STAG1: variants seen among roughly 807,000 people sequenced by gnomAD.
STAG1 encodes the protein STAG1 cohesin complex component, also known as cohesin subunit SA-1.
STAG1 carries 26 observed loss-of-function variants against 170.9 expected under a neutral mutation model. The observed-to-expected ratio is 0.15, with a 90% CI of 0.11 to 0.21. The LOEUF (loss-of-function observed/expected upper bound fraction) is 0.21. STAG1 is among the 10% of genes least tolerant of loss of function. The pLI, the probability that STAG1 is intolerant of heterozygous loss-of-function variation, is 1.00. For missense variants in STAG1, 964 were observed against 1,509.5 expected, an observed-to-expected ratio of 0.64 and a Z score of 5.99; for synonymous variants, 514 against 497.7, an observed-to-expected ratio of 1.03 and a Z score of -0.44.
chr3:136,470,200 C>A (rs534042091), intron 12 of STAG1, among the ~76,000 whole-genome samples: 2 of 152,262 alleles, frequency 1.3e-5, no homozygotes, highest in African/African-American at 4.8e-5. Flanking sequence ...GAACAGGCAA[C>A]CTACAGAATG....
rs112108783 is a variant in STAG1 at position 136,571,285 on chromosome 3, T to C, written c.298-2424A>G. On this transcript the variant is annotated intron_variant, in intron 4 of 33. Coordinates refer to ENST00000383202, the MANE Select transcript of STAG1 (RefSeq NM_005862.3). ...ACCTGCATCAGAAATATTAACACTT[T>C]GGTCTGAGCGTGGTGGCGCACACCT... Among the ~76,000 whole-genome samples the C allele has an allele frequency of 2.0e-5, 3 of 152,266 alleles. No individual in the cohort carries two copies. In the South Asian group the frequency reaches 6.2e-4, roughly 32 times the overall value.
chr3:136,750,649 ATTTAG>A lies in STAG1; in HGVS notation c.-84+1541_-84+1545del, dbSNP rs1326723775. Among the ~76,000 whole-genome samples, 3 of 152,362 alleles carry A rather than the reference ATTTAG, an allele frequency of 2.0e-5. No homozygotes were observed. The East Asian group carries it at 5.8e-4, about 29-fold the overall frequency. ...GACCACTGGTAGATCACTTGAATTAATTTAGTTTACTCGAAGTACGTTTTAAATAT... is the reference window on the plus strand; with the variant it reads ...GACCACTGGTAGATCACTTGAATTAATTTACTCGAAGTACGTTTTAAATAT... On this transcript the variant is annotated intron_variant, in intron 1 of 33. Coordinates refer to ENST00000383202, the MANE Select transcript of STAG1 (RefSeq NM_005862.3).
chr3:136,450,272 CTG>C (rs1447391899), intron 14 of STAG1, among the ~76,000 whole-genome samples: 1 of 152,154 alleles, frequency 6.6e-6, no homozygotes, highest in African/African-American at 2.4e-5. Context: ...ATCTTGGAGA[CTG>C]TTAGAAATGC....
intron 5 of STAG1, among the ~76,000 whole-genome samples, chr3:136,543,468 C>T (rs879363336): frequency 6.6e-6 from 1 of 152,098 alleles, no homozygotes; most frequent in African/African-American, 2.4e-5. Flanking sequence ...CTGGAAAACA[C>T]GCTCTTGTAT....
chr3:136,659,409 C>T (rs1370652523), intron 1 of STAG1, among the ~76,000 whole-genome samples: 2 of 152,178 alleles, frequency 1.3e-5, no homozygotes, highest in Non-Finnish European at 2.9e-5. Flanking sequence ...TCTTCTCAAG[C>T]ATATTAGACT....
chr3:136,433,716 TA>T (rs1450740209), intron 15 of STAG1, 57 bp from the exon 16 acceptor site: 1 of 1,186,994 alleles, frequency 8.4e-7, no homozygotes. Flanking sequence ...AACCATGTAT[TA>T]AAAATGAACA....
In STAG1 at chr3:136,398,791, A is replaced by C; in HGVS notation, c.2235T>G (p.Ile745Met). ...VQALQCSHYSILWQLVKITDG... is the reference protein window; with the variant it reads ...VQALQCSHYSMLWQLVKITDG... ...CAGTAATTTTCACCAACTGCCAAAGAATCGAATAATGGGAACACTGCAGTG... is the reference window on the plus strand; with the variant it reads ...CAGTAATTTTCACCAACTGCCAAAGCATCGAATAATGGGAACACTGCAGTG... Residue 745 changes from isoleucine to methionine, a missense_variant, in exon 22 of 34, where the codon ATT becomes ATG. Physicochemically the swap from Ile to Met is conservative, Grantham distance 10 (BLOSUM62 1). Coordinates refer to ENST00000383202, the MANE Select transcript of STAG1 (RefSeq NM_005862.3). 3.1e-6 allele frequency: 5 copies of C among 1,605,106 alleles called. No individual in the cohort carries two copies. The highest frequency in any genetic ancestry group is 4.3e-6 in the Non-Finnish European group (5 of 1,175,116).
intron 13 of STAG1, among the ~76,000 whole-genome samples, chr3:136,461,484 A>T (rs2089272214): frequency 6.6e-6 from 1 of 152,214 alleles, no homozygotes; most frequent in South Asian, 2.1e-4. Flanking sequence ...GCAGAATACA[A>T]AATCAACATA....
intron 9 of STAG1, among the ~76,000 whole-genome samples, chr3:136,479,011 A>C (rs960798610): frequency 6.6e-6 from 1 of 151,178 alleles, no homozygotes; most frequent in Non-Finnish European, 1.5e-5. Context: ...TTAGAATTCT[A>C]CCTGGCATCC....
rs1576645963 is a variant in STAG1 at position 136,595,492 on chromosome 3, G to C, written c.297+8817C>G. On this transcript the variant is annotated intron_variant, in intron 4 of 33. Transcript: ENST00000383202. ...GTGGATCACGAGGTCAGGAGATTGA[G>C]ACCATCCTGGCTAACACGGTAAAAC... Among the ~76,000 whole-genome samples, 4 of 151,910 alleles carry C rather than the reference G, an allele frequency of 2.6e-5. No individual in the cohort carries two copies. In the South Asian group the frequency reaches 8.3e-4, roughly 32 times the overall value.
chr3:136,429,644 G>A (rs995816353), intron 16 of STAG1, among the ~76,000 whole-genome samples: 1 of 152,108 alleles, frequency 6.6e-6, no homozygotes, highest in Non-Finnish European at 1.5e-5. Flanking sequence ...AAGGAGGATT[G>A]GTATCACACA....
intron 21 of STAG1, among the ~76,000 whole-genome samples, chr3:136,402,454 G>C (rs1182260741): frequency 6.6e-6 from 1 of 151,794 alleles, no homozygotes; most frequent in Admixed American, 6.6e-5. Context: ...CTGAGCTCAT[G>C]ATCTGCCCAC....
intron 5 of STAG1, among the ~76,000 whole-genome samples, chr3:136,560,283 TA>T (rs1936788492): frequency 1.3e-5 from 2 of 152,140 alleles, no homozygotes; most frequent in Non-Finnish European, 2.9e-5. Context: ...CAACCCTTAT[TA>T]AAAATAGGCA....
chr3:136,451,906 C>T, intron 14 of STAG1, 127 bp downstream of exon 14: 1 of 619,116 alleles, frequency 1.6e-6, no homozygotes, highest in Non-Finnish European at 2.7e-6. Flanking sequence ...CTATATCATG[C>T]AATTCATGAA....
chr3:136,379,566 G>A (rs10935181), intron 22 of STAG1, among the ~76,000 whole-genome samples: 59,390 of 151,844 alleles, frequency 0.39, 13,691 homozygotes, highest in East Asian at 0.8. Flanking sequence ...AAAATTAGCC[G>A]CGTGTGGTGG....
chr3:136,421,770 T>G (rs976484054), intron 19 of STAG1, among the ~76,000 whole-genome samples: 2 of 152,208 alleles, frequency 1.3e-5, no homozygotes, highest in Non-Finnish European at 2.9e-5. Flanking sequence ...TACGCTCTAT[T>G]CATTAGCATA....
At chr3:136,552,440 T>C (rs573834127) in intron 5 of STAG1, among the ~76,000 whole-genome samples, 2 of 152,276 alleles carry the variant, frequency 1.3e-5, no homozygotes, top group South Asian at 4.1e-4. Flanking sequence ...AAATGCTAAA[T>C]AAAATATAAA....
chr3:136,346,853 C>T (rs1170464613), intron 29 of STAG1, among the ~76,000 whole-genome samples: 1 of 152,176 alleles, frequency 6.6e-6, no homozygotes, highest in Admixed American at 6.5e-5. Flanking sequence ...AATCCTAGCA[C>T]TTTGGGACAC....
intron 1 of STAG1, among the ~76,000 whole-genome samples, chr3:136,656,452 AT>A (rs34697988): frequency 6.2e-4 from 94 of 151,738 alleles, no homozygotes; most frequent in African/African-American, 2.2e-3. Context: ...GTATTTTATC[AT>A]TTTTTTTCCC....
Sources: gnomAD v4.1 joint callset for allele counts (sites outside exome capture counted in the v4.1 genomes callset) on GRCh38, gnomAD v4.1.1 for gene constraint, MANE v1.5 for transcripts, NCBI Gene and HGNC (gene_info 2026-07-23, HGNC 2026-07-21) for gene names.